Variants in HMGCS2 observed in about 807,000 individuals in gnomAD.
HMGCS2 encodes the protein 3-hydroxy-3-methylglutaryl-CoA synthase 2, also known as hydroxymethylglutaryl-CoA synthase, mitochondrial.
Under a neutral mutation model 57.4 loss-of-function variants are expected in HMGCS2, and 50 were observed. That is an observed-to-expected ratio of 0.87 (90% CI 0.69 to 1.10). The LOEUF is 1.10. Ranked by LOEUF, HMGCS2 falls within the 50% of genes least tolerant of loss-of-function variation. HMGCS2 has a pLI of 0.00. For synonymous variants in HMGCS2, 254 were observed against 245.1 expected (o/e 1.04, Z -0.34); for missense variants, 627 against 636.5 (o/e 0.99, Z 0.16).
At chr1:119,765,025 TTTTAA>T (rs1303797400) in intron 1 of HMGCS2, among the ~76,000 whole-genome samples, 1 of 152,234 alleles carries the variant, frequency 6.6e-6, no homozygotes, top group Non-Finnish European at 1.5e-5. Context: ...AATAGTGGTG[TTTTAA>T]TTTGAGTATT....
chr1:119,750,846 C>G lies in HMGCS2; in HGVS notation c.1483G>C (p.Val495Leu), dbSNP rs746610244. Residue 495 changes from valine to leucine, a missense_variant, in exon 9 of 10, where the codon GTG becomes CTG. Physicochemically the swap from Val to Leu is conservative, Grantham distance 32. Coordinates refer to ENST00000369406, the MANE Select transcript of HMGCS2 (RefSeq NM_005518.4). ...TACTTTCGGCGATGCTGCTCGTCCACTCGCTCCAGGTACCAAGTACCTGGG... is the reference window on the plus strand; with the variant it reads ...TACTTTCGGCGATGCTGCTCGTCCAGTCGCTCCAGGTACCAAGTACCTGGG... ...LFPGTWYLER[V>L]DEQHRRKYAR... The G allele has an allele frequency of 6.2e-7, 1 of 1,614,112 alleles. No individual in the cohort carries two copies. The highest frequency in any genetic ancestry group is 8.5e-7 in the Non-Finnish European group (1 of 1,179,996).
At position 119,755,420 on chromosome 1, in the gene HMGCS2, T is replaced by A. The variant is rs769416687; in HGVS notation, c.1187+7A>T. ...ATGGAGGACATGGAGCCAGATGCAG[T>A]ACTCACTGGGACAGAAGCGAGGCCA... On this transcript the variant is annotated splice_region_variant and intron_variant, in intron 6 of 9. Coordinates refer to ENST00000369406, the MANE Select transcript of HMGCS2 (RefSeq NM_005518.4). 6.8e-6 allele frequency: 11 copies of A among 1,613,804 alleles called. No individual in the cohort carries two copies. The highest frequency in any genetic ancestry group is 9.3e-6 in the Non-Finnish European group (11 of 1,179,808).
chr1:119,752,710 A>G (rs1557988534), intron 7 of HMGCS2, 36 bp from the exon 8 acceptor site: 1 of 1,612,656 alleles, frequency 6.2e-7, no homozygotes, highest in Non-Finnish European at 8.5e-7. Flanking sequence ...CACCTTTTTC[A>G]TTGTCATTAT....
intron 2 of HMGCS2, among the ~76,000 whole-genome samples, 163 bp downstream of exon 2, chr1:119,764,009 A>G (rs1404510472): frequency 6.6e-6 from 1 of 152,234 alleles, no homozygotes; most frequent in Non-Finnish European, 1.5e-5. Context: ...CTGTAAAGCT[A>G]TATAAGTCTA....
intron 9 of HMGCS2, among the ~76,000 whole-genome samples, chr1:119,749,517 C>A (rs748267513): frequency 6.6e-6 from 1 of 152,022 alleles, no homozygotes; most frequent in African/African-American, 2.4e-5. Context: ...CACAGGCTCC[C>A]GGGCAGTACC....
At chr1:119,751,365 C>CT (rs747069438) in intron 8 of HMGCS2, among the ~76,000 whole-genome samples, 2,717 of 140,032 alleles carry the variant, frequency 0.019, 87 homozygotes, top group African/African-American at 0.065. Flanking sequence ...TTCTTTTCTT[C>CT]TTTTTTTTTT....
At position 119,764,160 on chromosome 1, in the gene HMGCS2, G is replaced by C; in HGVS notation, c.559+12C>G. On this transcript the variant is annotated intron_variant, in intron 2 of 9. Transcript: ENST00000369406. ...AGCACCTTTCTTACATAAGGTTCGT[G>C]GCCGTACATACCATCCCAGGAACTG... is the stretch of plus-strand genomic sequence containing the variant. 3 of 1,610,782 alleles carry C rather than the reference G, an allele frequency of 1.9e-6. No individual in the cohort carries two copies. The highest frequency in any genetic ancestry group is 2.5e-6 in the Non-Finnish European group (3 of 1,178,274).
chr1:119,751,153 A>G (rs1024082724), intron 8 of HMGCS2, among the ~76,000 whole-genome samples: 3 of 152,158 alleles, frequency 2.0e-5, no homozygotes, highest in Non-Finnish European at 4.4e-5. Context: ...ATAAGAGTAC[A>G]ACATTTTCCT....
At chr1:119,764,689 G>A in intron 1 of HMGCS2, 63 bp from the exon 2 acceptor site, 7 of 1,154,362 alleles carry the variant, frequency 6.1e-6, no homozygotes, top group South Asian at 1.3e-5. Flanking sequence ...TCAAAAGACA[G>A]TAACATAGCA....
At chr1:119,754,293 G>A (rs1241414444) in intron 6 of HMGCS2, among the ~76,000 whole-genome samples, 1 of 152,112 alleles carries the variant, frequency 6.6e-6, no homozygotes, top group East Asian at 1.9e-4. Flanking sequence ...CTGACCTCAG[G>A]TGATCTTCCC....
rs918691885 is a variant in HMGCS2, at chr1:119,759,171, A to G, written c.797T>C (p.Leu266Ser). 4.3e-6 allele frequency: 7 copies of G among 1,614,084 alleles called. No homozygotes were observed. Among genetic ancestry groups the G allele is most frequent in the Non-Finnish European group, 5.9e-6 (7 of 1,180,026 alleles). ...ACGGTATGATGTGTAACATCGATCC[A>G]AGGCCCGCAAGTAGCACTGGATGGA... ...KLSIQCYLRALDRCYTSYRKK... is the reference protein window; with the variant it reads ...KLSIQCYLRASDRCYTSYRKK... The change falls in exon 4 of 10, where the codon TTG becomes TCG. Residue 266 changes from leucine to serine, a missense_variant. By Grantham distance (145) the Leu-to-Ser change is moderately radical. Transcript: ENST00000369406.
At position 119,757,395 on chromosome 1, in the gene HMGCS2, C is replaced by G. The variant is rs138086607; in HGVS notation, c.894G>C (p.Met298Ile). Residue 298 changes from methionine (M) to isoleucine (I), a missense_variant, in exon 5 of 10, where the codon ATG (methionine) becomes ATC (isoleucine). Transcript: ENST00000369406. ...RPFTLDDLQYMIFHTPFCKMV... is the reference protein window; with the variant it reads ...RPFTLDDLQYIIFHTPFCKMV... ...TCTTGCAAAAGGGTGTATGAAAGAT[C>G]ATGTACTGTAAATCGTCAAGGGTGA... 6.2e-7 allele frequency: 1 copy of G among 1,614,106 alleles called. No homozygotes were observed. Among genetic ancestry groups the G allele is most frequent in the East Asian group, 2.2e-5 (1 of 44,886 alleles).
At chr1:119,752,775 C>A in intron 7 of HMGCS2, 101 bp from the exon 8 acceptor site, 1 of 1,336,144 alleles carries the variant, frequency 7.5e-7, no homozygotes, top group South Asian at 1.2e-5. Flanking sequence ...GAGGTTACAC[C>A]CTGGAGGAAC....
intron 9 of HMGCS2, 70 bp downstream of exon 9, chr1:119,750,727 T>C (rs1652626076): frequency 2.1e-6 from 2 of 969,708 alleles, no homozygotes; most frequent in Non-Finnish European, 3.3e-6. Context: ...CCCCACCTTC[T>C]CTCTCTGTGT....
At chr1:119,754,166 C>T (rs1209440923) in intron 6 of HMGCS2, among the ~76,000 whole-genome samples, 1 of 151,972 alleles carries the variant, frequency 6.6e-6, no homozygotes, top group Non-Finnish European at 1.5e-5. Flanking sequence ...AAGCAATTCT[C>T]ATGCCTCAGC....
intron 2 of HMGCS2, among the ~76,000 whole-genome samples, chr1:119,763,496 A>G (rs1653112220): frequency 6.6e-6 from 1 of 152,218 alleles, no homozygotes; most frequent in Admixed American, 6.5e-5. Context: ...AGGTTCAGGA[A>G]TTTATCAATG....
chr1:119,753,775 G>T (rs1652742365), intron 6 of HMGCS2, among the ~76,000 whole-genome samples: 1 of 151,940 alleles, frequency 6.6e-6, no homozygotes, highest in Non-Finnish European at 1.5e-5. Context: ...CACCCTTCAG[G>T]CTCCCATGTT....
At chr1:119,754,254 G>A (rs1240925688) in intron 6 of HMGCS2, among the ~76,000 whole-genome samples, 2 of 151,962 alleles carry the variant, frequency 1.3e-5, no homozygotes, top group Non-Finnish European at 2.9e-5. Flanking sequence ...AAGGGGTTTT[G>A]CCATGTTGGC....
At chr1:119,757,984 A>G (rs919540301) in intron 4 of HMGCS2, among the ~76,000 whole-genome samples, 1 of 152,254 alleles carries the variant, frequency 6.6e-6, no homozygotes, top group Non-Finnish European at 1.5e-5. Flanking sequence ...GCAAATAACC[A>G]ATTACAGAAG....
Sources: gnomAD v4.1 joint callset for allele counts (sites outside exome capture counted in the v4.1 genomes callset) on GRCh38, gnomAD v4.1.1 for gene constraint, MANE v1.5 for transcripts, NCBI Gene and HGNC (gene_info 2026-07-23, HGNC 2026-07-21) for gene names.